Variants in NCKAP5 observed in about 807,000 individuals in gnomAD.
NCKAP5 encodes the protein nck-associated protein 5.
Under a neutral mutation model 167.0 loss-of-function variants are expected in NCKAP5, and 92 were observed. The ratio of observed to expected loss-of-function variants is 0.55; its 90% CI spans 0.47 to 0.66. The LOEUF is 0.66. Among genes scored for constraint, NCKAP5 ranks in the 30% least tolerant of loss-of-function variants. NCKAP5 has a pLI of 0.00. For synonymous variants in NCKAP5, 891 were observed against 877.4 expected (o/e 1.02, Z -0.27); for missense variants, 2,378 against 2,315.0 (o/e 1.03, Z -0.56).
At chr2:132,971,793 A>C (rs2076842533) in intron 7 of NCKAP5, among the ~76,000 whole-genome samples, 2 of 152,272 alleles carry the variant, frequency 1.3e-5, no homozygotes, top group Admixed American at 6.5e-5. Flanking sequence ...CAGAGTTGAC[A>C]GGGGCTGGGG....
intron 8 of NCKAP5, among the ~76,000 whole-genome samples, chr2:132,910,673 T>C (rs543256990): frequency 6.6e-6 from 1 of 152,358 alleles, no homozygotes; most frequent in Admixed American, 6.5e-5. Flanking sequence ...CATGTGTTGA[T>C]GAACACTTAG....
At chr2:133,136,820 C>T (rs190729138) in intron 5 of NCKAP5, among the ~76,000 whole-genome samples, 5 of 152,276 alleles carry the variant, frequency 3.3e-5, no homozygotes, top group Admixed American at 2.0e-4. Flanking sequence ...AACTAGAAAA[C>T]GTGCCCAGTC....
At chr2:133,570,051 C>T (rs1471560833), upstream of NCKAP5, among the ~76,000 whole-genome samples, 1 of 136,436 alleles carries the variant, frequency 7.3e-6, no homozygotes, top group Non-Finnish European at 1.7e-5. Context: ...TTCATCAATA[C>T]AAGAAAACAA....
intron 16 of NCKAP5, among the ~76,000 whole-genome samples, chr2:132,770,074 A>C (rs1681889721): frequency 6.6e-6 from 1 of 152,186 alleles, no homozygotes; most frequent in Non-Finnish European, 1.5e-5. Context: ...ATTCTTGTGC[A>C]GTTTACTGAA....
intron 3 of NCKAP5, among the ~76,000 whole-genome samples, chr2:133,428,878 T>C (rs1689978763): frequency 6.6e-6 from 1 of 152,182 alleles, no homozygotes; most frequent in South Asian, 2.1e-4. Context: ...TATCTAAATG[T>C]TATTAAAAGT....
At chr2:133,119,334 T>C (rs2082182001) in intron 6 of NCKAP5, among the ~76,000 whole-genome samples, 2 of 152,092 alleles carry the variant, frequency 1.3e-5, no homozygotes. Flanking sequence ...TATAATTGTA[T>C]CTATCCCACT....
chr2:133,126,352 T>A (rs2082404421), intron 6 of NCKAP5, among the ~76,000 whole-genome samples: 1 of 152,198 alleles, frequency 6.6e-6, no homozygotes, highest in South Asian at 2.1e-4. Flanking sequence ...TGCCTCTGTT[T>A]CCCACATTCA....
At chr2:133,050,343 C>A (rs1471872604) in intron 6 of NCKAP5, among the ~76,000 whole-genome samples, 3 of 151,674 alleles carry the variant, frequency 2.0e-5, no homozygotes, top group South Asian at 2.1e-4. Context: ...GAGAAAACAA[C>A]CCTGTTGGAA....
intron 16 of NCKAP5, among the ~76,000 whole-genome samples, chr2:132,772,155 A>G: frequency 6.6e-6 from 1 of 152,152 alleles, no homozygotes; most frequent in Non-Finnish European, 1.5e-5. Flanking sequence ...CTAGGTATGT[A>G]GTAGGCTATA....
chr2:132,981,831 A>C (rs1200228865), intron 7 of NCKAP5, among the ~76,000 whole-genome samples: 2 of 152,218 alleles, frequency 1.3e-5, no homozygotes, highest in Admixed American at 6.5e-5. Context: ...TTTGCTTTGG[A>C]ATGATGCTTT....
Position 133,126,437 on chromosome 2 carries a change from T to A in NCKAP5, c.341+3541A>T, listed in dbSNP as rs563432393. On this transcript the variant is annotated intron_variant, in intron 6 of 19. Transcript: ENST00000409261. Reference sequence around the variant, plus strand: ...AGTAGAATGGTTGCCCTGAGAACTTTAAGCACCAGAGTACCGGAGTAGTTC... The same window carrying A: ...AGTAGAATGGTTGCCCTGAGAACTTAAAGCACCAGAGTACCGGAGTAGTTC... Among the ~76,000 whole-genome samples the A allele has an allele frequency of 2.6e-5, 4 of 152,350 alleles. No homozygotes were observed. In the South Asian group the frequency reaches 8.3e-4, roughly 32 times the overall value.
At chr2:133,593,780 G>A in the NCKAP5 span, among the ~76,000 whole-genome samples, 2 of 152,204 alleles carry the variant, frequency 1.3e-5, no homozygotes, top group African/African-American at 4.8e-5. Context: ...TCCAGCCTCT[G>A]TTTCTTCTTC....
chr2:132,754,938 A>C (rs1680411271), intron 16 of NCKAP5, among the ~76,000 whole-genome samples: 1 of 152,266 alleles, frequency 6.6e-6, no homozygotes, highest in South Asian at 2.1e-4. Context: ...TAAGCTCATC[A>C]AATGGAAAGC....
At chr2:133,542,110 A>C (rs555976615) in intron 2 of NCKAP5, among the ~76,000 whole-genome samples, 2 of 152,242 alleles carry the variant, frequency 1.3e-5, no homozygotes, top group South Asian at 4.1e-4. Context: ...TCTGGTTTCA[A>C]TGTTGGGGAG....
chr2:132,859,378 G>A (rs982269203), intron 11 of NCKAP5, among the ~76,000 whole-genome samples: 6 of 152,160 alleles, frequency 3.9e-5, no homozygotes, highest in African/African-American at 1.4e-4. Flanking sequence ...TAGCAACACA[G>A]TCTGGATCAT....
rs532390151 is a variant in NCKAP5 at position 133,454,086 on chromosome 2, AAAAC to A, written c.69+63368_69+63371del. On this transcript the variant is annotated intron_variant, in intron 3 of 19. Transcript: ENST00000409261. ...TATATGTTCATTTTTAGTACGGCTA[AAAAC>A]AAACAAACTGGTTGCCTATAATAAG... is the stretch of plus-strand genomic sequence containing the variant. Among the ~76,000 whole-genome samples the A allele has an allele frequency of 3.4e-4, 51 of 152,184 alleles. No individual in the cohort carries two copies. In the East Asian group the frequency reaches 8.3e-3, roughly 25 times the overall value.
At chr2:133,214,011 G>T (rs558129491) in intron 4 of NCKAP5, among the ~76,000 whole-genome samples, 1 of 152,230 alleles carries the variant, frequency 6.6e-6, no homozygotes, top group African/African-American at 2.4e-5. Context: ...AACGTTAAAT[G>T]GTGAGTAGAT....
intron 3 of NCKAP5, among the ~76,000 whole-genome samples, chr2:133,400,461 A>G (rs1343192676): frequency 6.6e-6 from 1 of 152,176 alleles, no homozygotes; most frequent in East Asian, 1.9e-4. Context: ...TAGAGGCAGC[A>G]AGAGAACAGA....
chr2:133,357,800 T>G (rs1684840363), intron 3 of NCKAP5, among the ~76,000 whole-genome samples: 1 of 152,224 alleles, frequency 6.6e-6, no homozygotes, highest in Admixed American at 6.5e-5. Flanking sequence ...TCAGTAGTCC[T>G]ATTGTCTTAG....
Sources: gnomAD v4.1 joint callset for allele counts (sites outside exome capture counted in the v4.1 genomes callset) on GRCh38, gnomAD v4.1.1 for gene constraint, MANE v1.5 for transcripts, NCBI Gene and HGNC (gene_info 2026-07-23, HGNC 2026-07-21) for gene names.